ASAH2B: variants seen among roughly 807,000 people sequenced by gnomAD.
ASAH2B encodes N-acylsphingosine amidohydrolase 2B, also known as putative inactive neutral ceramidase B.
In ASAH2B, 1 loss-of-function variant was observed where a neutral mutation model predicts 2.9. The ratio of observed to expected loss-of-function variants is 0.34; its 90% confidence interval spans 0.12 to 1.63. The LOEUF (loss-of-function observed/expected upper bound fraction) is 1.63, where lower values mean the gene tolerates loss of function less well. Among genes scored for constraint, ASAH2B ranks in the 40% most tolerant of loss-of-function variants. ASAH2B has a pLI of 0.36. For missense variants in ASAH2B, 9 were observed against 37.7 expected, an observed-to-expected ratio of 0.24 and a Z score of 1.99; for synonymous variants, 4 against 13.3, an observed-to-expected ratio of 0.30 and a Z score of 1.52.
rs1158906862 is a variant in ASAH2B, at chr10:50,756,612, C to G, written c.*1872C>G. Reference sequence around the variant, plus strand: ...CAAATCTACTTGTGATTCCTGATAGCTCACTGGCAACTGTACCAAGGTGGC... The same window carrying G: ...CAAATCTACTTGTGATTCCTGATAGGTCACTGGCAACTGTACCAAGGTGGC... On this transcript the variant is annotated 3_prime_UTR_variant, in exon 6 of 6. Coordinates refer to ENST00000647317, the MANE Select transcript of ASAH2B (RefSeq NM_001321958.2). 1 of 151,976 alleles carries G rather than the reference C, an allele frequency of 6.6e-6. No homozygotes were observed. Among genetic ancestry groups the G allele is most frequent in the Non-Finnish European group, 1.5e-5 (1 of 67,892 alleles). 9.4% of individuals were successfully genotyped at this position (151,976 alleles called of 1,614,324 possible).
intron 1 of ASAH2B, 75 bp from the exon 2 acceptor site, chr10:50,742,840 A>C (rs1839850485): frequency 6.9e-7 from 1 of 1,459,508 alleles, no homozygotes; most frequent in East Asian, 2.3e-5. Context: ...CATCACACTT[A>C]CCTAAAATGC....
chr10:50,757,355 C>G lies in ASAH2B; in HGVS notation c.*2615C>G, dbSNP rs1183374129. 2 of 151,806 alleles carry G rather than the reference C, an allele frequency of 1.3e-5. No homozygotes were observed. The highest frequency in any genetic ancestry group is 4.8e-5 in the African/African-American group (2 of 41,402). The allele number at this position is 151,806 out of a possible 1,614,324, so 9.4% of individuals were successfully genotyped here. A position where few individuals can be genotyped will look rare whatever the true frequency, so the allele number is the denominator to read the frequency against. Reference sequence around the variant, plus strand: ...CACTTCTTTATCAGTTCCTTTCTAACTTCTGAAGATGTACTGCTGGTAAAG... The same window carrying G: ...CACTTCTTTATCAGTTCCTTTCTAAGTTCTGAAGATGTACTGCTGGTAAAG... On this transcript the variant is annotated 3_prime_UTR_variant, in exon 6 of 6. Coordinates refer to ENST00000647317, the MANE Select transcript of ASAH2B (RefSeq NM_001321958.2).
intron 3 of ASAH2B, among the ~76,000 whole-genome samples, chr10:50,746,988 C>T (rs1839916950): frequency 6.7e-6 from 1 of 148,162 alleles, no homozygotes. Flanking sequence ...TTTGGTTGTG[C>T]AGAAACTGTT....
At chr10:50,743,933 G>A (rs1317569453) in intron 2 of ASAH2B, among the ~76,000 whole-genome samples, 3 of 141,430 alleles carry the variant, frequency 2.1e-5, no homozygotes, top group Admixed American at 7.5e-5. Context: ...TCAGTCGAAC[G>A]TTGAAAATTT....
chr10:50,741,154 T>A (rs1839825002), intron 1 of ASAH2B, among the ~76,000 whole-genome samples: 1 of 152,242 alleles, frequency 6.6e-6, no homozygotes, highest in Admixed American at 6.5e-5. Context: ...TTCAGTTTCT[T>A]TAAGAACATT....
chr10:50,747,580 C>G (rs1391501642), intron 3 of ASAH2B, among the ~76,000 whole-genome samples: 2 of 151,278 alleles, frequency 1.3e-5, no homozygotes, highest in African/African-American at 4.9e-5. Context: ...TGTAGATTCT[C>G]TTTTTCATGT....
At position 50,754,960 on chromosome 10, in the gene ASAH2B, G is replaced by A. The variant is rs1837055534; in HGVS notation, c.*220G>A. 2.2e-6 allele frequency: 1 copy of A among 458,276 alleles called. No homozygotes were observed. Among genetic ancestry groups the A allele is most frequent in the African/African-American group, 2.1e-5 (1 of 46,832 alleles). 28.4% of individuals were successfully genotyped at this position (458,276 alleles called of 1,614,324 possible). A position where few individuals can be genotyped will look rare whatever the true frequency, so the allele number is the denominator to read the frequency against. ...TGTATGTGAGAGAGAGAGAGAGAGA[G>A]AGAGGTTTGTCCCATATATCTTGTT... On this transcript the variant is annotated 3_prime_UTR_variant, in exon 6 of 6. Transcript: ENST00000647317.
chr10:50,756,951 G>A lies in ASAH2B; in HGVS notation c.*2211G>A, dbSNP rs907498021. 2 of 151,860 alleles carry A rather than the reference G, an allele frequency of 1.3e-5. No individual in the cohort carries two copies. Among genetic ancestry groups the A allele is most frequent in the Non-Finnish European group, 3.0e-5 (2 of 67,776 alleles). The allele number at this position is 151,860 out of a possible 1,614,324, so 9.4% of individuals were successfully genotyped here. ...GAAACTCCTGAAATTGGTGGAAAAA[G>A]TGGAATATGGCAGATTGGGTAGGTA... On this transcript the variant is annotated 3_prime_UTR_variant, in exon 6 of 6. Transcript: ENST00000647317.
At chr10:50,745,724 A>T (rs1192088887) in intron 3 of ASAH2B, among the ~76,000 whole-genome samples, 24 of 149,666 alleles carry the variant, frequency 1.6e-4, no homozygotes, top group Non-Finnish European at 2.8e-4. Context: ...ATATAGTATC[A>T]TGTCATCTGT....
rs1342624071 is a variant in ASAH2B at position 50,743,021 on chromosome 10, AT to A, written c.-4+13del. 9 of 1,612,230 alleles carry A rather than the reference AT, an allele frequency of 5.6e-6. No individual in the cohort carries two copies. The highest frequency in any genetic ancestry group is 7.6e-6 in the Non-Finnish European group (9 of 1,179,644). The stretch of plus-strand genomic sequence containing the variant: ...AAGGCTATTGCTACGGTAATCAAAT[AT>A]TGTTTGTGCGTGCGTGCGTGCGTGT... On this transcript the variant is annotated intron_variant, in intron 2 of 5. Coordinates refer to ENST00000647317, the MANE Select transcript of ASAH2B (RefSeq NM_001321958.2).
At chr10:50,746,704 T>C (rs2132723656) in intron 3 of ASAH2B, among the ~76,000 whole-genome samples, 1 of 149,958 alleles carries the variant, frequency 6.7e-6, no homozygotes, top group East Asian at 1.9e-4. Context: ...TAACAGGTAT[T>C]AGGTGATATC....
chr10:50,741,265 A>G (rs113979752), intron 1 of ASAH2B, among the ~76,000 whole-genome samples: 2 of 152,214 alleles, frequency 1.3e-5, no homozygotes, highest in African/African-American at 4.8e-5. Context: ...TATCACAGGG[A>G]TATACTCCGG....
rs1837120403 is a variant in ASAH2B at position 50,757,492 on chromosome 10, A to G, written c.*2752A>G. On this transcript the variant is annotated 3_prime_UTR_variant, in exon 6 of 6. Coordinates refer to ENST00000647317, the MANE Select transcript of ASAH2B (RefSeq NM_001321958.2). ...AAATTGTTTCCTGCGCTAATTCTGAACAAAAAGACCAAGAATGAATTTACT... is the reference window on the plus strand; with the variant it reads ...AAATTGTTTCCTGCGCTAATTCTGAGCAAAAAGACCAAGAATGAATTTACT... The G allele has an allele frequency of 6.8e-6, 1 of 147,974 alleles. No homozygotes were observed. The highest frequency in any genetic ancestry group is 6.9e-5 in the Admixed American group (1 of 14,550). 9.2% of individuals were successfully genotyped at this position (147,974 alleles called of 1,614,324 possible). A position where few individuals can be genotyped will look rare whatever the true frequency, so the allele number is the denominator to read the frequency against.
chr10:50,744,476 A>G (rs1458732329), intron 2 of ASAH2B, among the ~76,000 whole-genome samples: 1 of 151,694 alleles, frequency 6.6e-6, no homozygotes, highest in Admixed American at 6.6e-5. Flanking sequence ...TGTGAGGAAT[A>G]AAGAGCATTA....
intron 3 of ASAH2B, among the ~76,000 whole-genome samples, chr10:50,745,609 A>G (rs893968158): frequency 5.5e-5 from 8 of 145,800 alleles, no homozygotes; most frequent in African/African-American, 2.1e-4. Context: ...TTTTATATCA[A>G]TCTTGTGTCC....
At chr10:50,749,080 T>C (rs967720827) in intron 3 of ASAH2B, among the ~76,000 whole-genome samples, 12 of 147,900 alleles carry the variant, frequency 8.1e-5, no homozygotes, top group Non-Finnish European at 1.5e-4. Context: ...GAAGAAGCCA[T>C]TTTAATATGC....
chr10:50,747,801 T>G (rs541626675), intron 3 of ASAH2B, among the ~76,000 whole-genome samples: 16 of 152,094 alleles, frequency 1.1e-4, no homozygotes, highest in African/African-American at 3.4e-4. Flanking sequence ...TGCTGATATA[T>G]TGTAAGGAGT....
rs1837083159 is a variant in ASAH2B at position 50,756,171 on chromosome 10, A to G, written c.*1431A>G. 6.6e-6 allele frequency: 1 copy of G among 150,692 alleles called. No individual in the cohort carries two copies. Among genetic ancestry groups the G allele is most frequent in the Non-Finnish European group, 1.5e-5 (1 of 67,374 alleles). The allele number at this position is 150,692 out of a possible 1,614,324, so 9.3% of individuals were successfully genotyped here. A position where few individuals can be genotyped will look rare whatever the true frequency, so the allele number is the denominator to read the frequency against. ...AAAGCTTTAGCATTTTAGGGAAAAAAATCAATCTGTATTTCAAAAATAAAC... is the reference window on the plus strand; with the variant it reads ...AAAGCTTTAGCATTTTAGGGAAAAAGATCAATCTGTATTTCAAAAATAAAC... On this transcript the variant is annotated 3_prime_UTR_variant, in exon 6 of 6. Coordinates refer to ENST00000647317, the MANE Select transcript of ASAH2B (RefSeq NM_001321958.2).
chr10:50,745,479 C>CT (rs1839892400), intron 3 of ASAH2B, among the ~76,000 whole-genome samples: 1 of 108,592 alleles, frequency 9.2e-6, no homozygotes, highest in Non-Finnish European at 1.9e-5. Context: ...ATTCTAAAAT[C>CT]CAAATTATTC....
Sources: gnomAD v4.1 joint callset for allele counts (sites outside exome capture counted in the v4.1 genomes callset) on GRCh38, gnomAD v4.1.1 for gene constraint, MANE v1.5 for transcripts, NCBI Gene and HGNC (gene_info 2026-07-23, HGNC 2026-07-21) for gene names.